Variants in ZDHHC1 observed in about 807,000 individuals in gnomAD.
ZDHHC1 encodes the protein palmitoyltransferase ZDHHC1.
In ZDHHC1, 45 loss-of-function variants were observed where a neutral mutation model predicts 46.9. The ratio of observed to expected loss-of-function variants is 0.96; its 90% CI spans 0.76 to 1.23. The LOEUF is 1.23. ZDHHC1 is among the 50% of genes most tolerant of loss of function. ZDHHC1 has a pLI of 0.00. For missense variants in ZDHHC1, 649 were observed against 670.8 expected, an observed-to-expected ratio of 0.97 and a Z score of 0.36; for synonymous variants, 291 against 286.0, an observed-to-expected ratio of 1.02 and a Z score of -0.18.
intron 6 of ZDHHC1, 43 bp downstream of exon 6, chr16:67,398,777 G>T (rs1187316465): frequency 1.2e-6 from 2 of 1,612,242 alleles, no homozygotes; most frequent in South Asian, 1.1e-5. Flanking sequence ...CGTGACGGGT[G>T]ACCAGGGTTG....
Position 67,401,693 on chromosome 16 carries a change from T to C in ZDHHC1, c.253-561A>G, listed in dbSNP as rs182979289. ...CTCCCCTACCAAGAATCTAGGCACCTGGAGTCCTGGGCTGAGTGTCTGGAA... is the reference window on the plus strand; with the variant it reads ...CTCCCCTACCAAGAATCTAGGCACCCGGAGTCCTGGGCTGAGTGTCTGGAA... On this transcript the variant is annotated intron_variant, in intron 3 of 11. Coordinates refer to ENST00000565726, the MANE Select transcript of ZDHHC1 (RefSeq NM_001323627.2). This position sits in a 1 kb window ranked among gnomAD's most constrained non-coding sequence, Gnocchi z 4.6. Among the ~76,000 whole-genome samples, 128 of 152,300 alleles carry C rather than the reference T, an allele frequency of 8.4e-4. 1 individual carries two copies. Among genetic ancestry groups the C allele is most frequent in the Non-Finnish European group, 1.4e-3 (98 of 68,022 alleles).
In ZDHHC1 at chr16:67,395,232, G is replaced by C. The variant is rs1313790871; in HGVS notation, c.1059C>G (p.Pro353=). 6.2e-7 allele frequency: 1 copy of C among 1,600,360 alleles called. No homozygotes were observed. Among genetic ancestry groups the C allele is most frequent in the African/African-American group, 1.3e-5 (1 of 74,586 alleles). The part of the protein sequence containing the change: ...ATRGQAEPPP[P]SSPDTLALPP... ...GCAGGGCGAGAGTGTCTGGGGAAGA[G>C]GGTGGTGGAGGTTCCGCTTGGCCAC... The change falls in exon 10 of 12, where the codon CCC becomes CCG. Residue 353 remains proline, a synonymous_variant. Transcript: ENST00000565726.
intron 1 of ZDHHC1, among the ~76,000 whole-genome samples, chr16:67,412,548 A>G (rs1466696278): frequency 2.0e-5 from 3 of 152,188 alleles, no homozygotes; most frequent in African/African-American, 4.8e-5. Flanking sequence ...CTGCAGAGCT[A>G]TGAGGAAAAG....
intron 8 of ZDHHC1, 34 bp downstream of exon 8, chr16:67,398,178 A>G: frequency 1.3e-6 from 2 of 1,546,214 alleles, no homozygotes; most frequent in Non-Finnish European, 1.8e-6. Flanking sequence ...CACCCCCCAC[A>G]CCCAGGCCCC....
Position 67,407,748 on chromosome 16 carries a change from C to T in ZDHHC1, c.9+19G>A, listed in dbSNP as rs1310172720. On this transcript the variant is annotated intron_variant, in intron 2 of 11. Transcript: ENST00000565726. ...TCTCTGTCCCCTATGTCCCTTCCCC[C>T]AGGCACCCAAAATTGTACCTTGTAC... 1 of 780,930 alleles carries T rather than the reference C, an allele frequency of 1.3e-6. No individual in the cohort carries two copies. Among genetic ancestry groups the T allele is most frequent in the African/African-American group, 1.7e-5 (1 of 59,152 alleles). 48.4% of individuals were successfully genotyped at this position (780,930 alleles called of 1,614,324 possible). A position where few individuals can be genotyped will look rare whatever the true frequency, so the allele number is the denominator to read the frequency against.
chr16:67,413,711 G>T (rs914592289), intron 1 of ZDHHC1, among the ~76,000 whole-genome samples: 1 of 152,084 alleles, frequency 6.6e-6, no homozygotes, highest in Non-Finnish European at 1.5e-5. Context: ...AAGCCGAGGC[G>T]GGCAGATCAC....
At chr16:67,396,609 G>A (rs954449025) in intron 8 of ZDHHC1, among the ~76,000 whole-genome samples, 2 of 152,192 alleles carry the variant, frequency 1.3e-5, no homozygotes, top group African/African-American at 4.8e-5. Context: ...AGATCTGGGG[G>A]AGGAGCCCAG....
At chr16:67,395,682 A>C in intron 8 of ZDHHC1, 116 bp from the exon 9 acceptor site, 1 of 1,011,926 alleles carries the variant, frequency 9.9e-7, no homozygotes, top group South Asian at 1.5e-5. Flanking sequence ...CTCAGGCCTC[A>C]TGCCAGGCTC....
At chr16:67,402,477 TC>T (rs1405891983) in intron 3 of ZDHHC1, among the ~76,000 whole-genome samples, 2 of 152,116 alleles carry the variant, frequency 1.3e-5, no homozygotes, top group African/African-American at 4.8e-5. Context: ...AAACATTTAC[TC>T]CCTGCCTGCT....
chr16:67,399,593 G>A (rs2040508061), intron 4 of ZDHHC1, 137 bp from the exon 5 acceptor site: 3 of 654,034 alleles, frequency 4.6e-6, no homozygotes, highest in African/African-American at 1.9e-5. Flanking sequence ...GCGACGAGGA[G>A]CGCGCGCGCC....
chr16:67,395,522 C>T lies in ZDHHC1; in HGVS notation c.972G>A (p.Glu324=). The change falls in exon 9 of 12, where the codon GAG becomes GAA. Residue 324 remains glutamate (E), a synonymous_variant. Coordinates refer to ENST00000565726, the MANE Select transcript of ZDHHC1 (RefSeq NM_001323627.2). Reference sequence around the variant, plus strand: ...CTGCTGGCCCGGCCTGGCCAGGGGGCTCTGGGCGCATATGTCTGAAGGTCC... The same window carrying T: ...CTGCTGGCCCGGCCTGGCCAGGGGGTTCTGGGCGCATATGTCTGAAGGTCC... ...YMRTFRHMRP[E]PPGQAGPAAV... is the part of the protein sequence containing the mutation. 6.4e-7 allele frequency: 1 copy of T among 1,555,340 alleles called. No individual in the cohort carries two copies. Among genetic ancestry groups the T allele is most frequent in the East Asian group, 2.4e-5 (1 of 41,614 alleles).
At chr16:67,413,406 A>G (rs2040782246) in intron 1 of ZDHHC1, among the ~76,000 whole-genome samples, 1 of 152,238 alleles carries the variant, frequency 6.6e-6, no homozygotes, top group Non-Finnish European at 1.5e-5. Context: ...TTACACTGCA[A>G]AAAGTCATTT....
intron 6 of ZDHHC1, 31 bp downstream of exon 6, chr16:67,398,789 G>A (rs1452446572): frequency 6.2e-7 from 1 of 1,612,490 alleles, no homozygotes; most frequent in African/African-American, 1.3e-5. Flanking sequence ...CCAGGGTTGG[G>A]GGTGAGAATA....
In ZDHHC1 at chr16:67,399,383, T is replaced by C; in HGVS notation, c.502A>G (p.Asn168Asp). ...CGFDHHCKWL[N>D]NCVGERNYRL... ...TAGTTCCGCTCGCCCACACAGTTGT[T>C]GAGCCACTTGCAGTGGTGGTCGAAA... Residue 168 changes from asparagine (N) to aspartate (D), a missense_variant, in exon 5 of 12, where the codon AAC becomes GAC. Physicochemically the swap from Asn to Asp is conservative, Grantham distance 23. Transcript: ENST00000565726. The C allele has an allele frequency of 6.2e-7, 1 of 1,613,318 alleles. No individual in the cohort carries two copies. The highest frequency in any genetic ancestry group is 8.5e-7 in the Non-Finnish European group (1 of 1,179,806).
rs1314579649 is a variant in ZDHHC1 at position 67,394,900 on chromosome 16, A to G, written c.1166-7T>C. ...CGGCTGGGGGCCCTAGGCCCTGCGC[A>G]AGGGAAGGGAACATGAGCCCAGTGG... On this transcript the variant is annotated splice_region_variant and splice_polypyrimidine_tract_variant and intron_variant, in intron 11 of 11. Coordinates refer to ENST00000565726, the MANE Select transcript of ZDHHC1 (RefSeq NM_001323627.2). The G allele has an allele frequency of 6.4e-7, 1 of 1,563,008 alleles. No homozygotes were observed. Among genetic ancestry groups the G allele is most frequent in the Non-Finnish European group, 8.6e-7 (1 of 1,156,114 alleles).
At chr16:67,412,700 G>T (rs143819758) in intron 1 of ZDHHC1, among the ~76,000 whole-genome samples, 156 of 152,306 alleles carry the variant, frequency 1.0e-3, no homozygotes, top group Non-Finnish European at 1.4e-3. Flanking sequence ...CCCAGAACCC[G>T]AAGGGAAAGT....
At chr16:67,400,917 A>G (rs370734948) in intron 4 of ZDHHC1, 40 bp downstream of exon 4, 2 of 1,602,280 alleles carry the variant, frequency 1.2e-6, no homozygotes, top group African/African-American at 2.7e-5. Context: ...CATACACCCC[A>G]CAGCACACTC....
At position 67,401,091 on chromosome 16, in the gene ZDHHC1, C is replaced by T; in HGVS notation, c.294G>A (p.Leu98=). The change falls in exon 4 of 12, where the codon CTG becomes CTA. Residue 98 remains leucine (L), a synonymous_variant. Coordinates refer to ENST00000565726, the MANE Select transcript of ZDHHC1 (RefSeq NM_001323627.2). This position sits in a 1 kb window ranked among gnomAD's most constrained non-coding sequence, Gnocchi z 4.6. ...AIFAGHLVVH[L]TAVSIDPADA... is the part of the protein sequence containing the mutation. ...CTGCTGGATCGATGGAGACGGCGGT[C>T]AGGTGCACCACAAGGTGGCCAGCAA... 6.2e-7 allele frequency: 1 copy of T among 1,614,046 alleles called. No individual in the cohort carries two copies. Among genetic ancestry groups the T allele is most frequent in the Admixed American group, 1.7e-5 (1 of 60,018 alleles).
intron 1 of ZDHHC1, among the ~76,000 whole-genome samples, chr16:67,412,051 T>G (rs147822850): frequency 6.6e-6 from 1 of 151,122 alleles, no homozygotes; most frequent in African/African-American, 2.4e-5. Context: ...AGGCAGAGGT[T>G]GCAGTGAGCC....
Sources: gnomAD v4.1 joint callset for allele counts (sites outside exome capture counted in the v4.1 genomes callset) on GRCh38, gnomAD v4.1.1 for gene constraint, Gnocchi (gnomAD v3.1) non-coding constraint, MANE v1.5 for transcripts, NCBI Gene and HGNC (gene_info 2026-07-23, HGNC 2026-07-21) for gene names.